SLIT2: variants seen among roughly 807,000 people sequenced by gnomAD.
The protein encoded by SLIT2 is slit guidance ligand 2.
SLIT2 carries 41 observed loss-of-function variants against 185.7 expected under a neutral mutation model. The observed-to-expected ratio is 0.22, with a 90% CI of 0.17 to 0.29. The LOEUF (loss-of-function observed/expected upper bound fraction) is 0.29. Among genes scored for constraint, SLIT2 ranks in the 10% least tolerant of loss-of-function variants. The pLI is 1.00. For synonymous variants in SLIT2, 693 were observed against 680.2 expected (o/e 1.02, Z -0.29); for missense variants, 1,571 against 1,909.0 (o/e 0.82, Z 3.30).
intron 5 of SLIT2, among the ~76,000 whole-genome samples, chr4:20,472,385 T>TATCTATCTATATA (rs1560453709): frequency 2.5e-5 from 1 of 39,260 alleles, no homozygotes; most frequent in African/African-American, 1.4e-4. Context: ...TCTATATATA[T>TATCTATCTATATA]GTAGATATAT....
intron 4 of SLIT2, among the ~76,000 whole-genome samples, chr4:20,432,525 T>C (rs1357587593): frequency 1.1e-5 from 1 of 90,980 alleles, no homozygotes; most frequent in Non-Finnish European, 2.8e-5. Flanking sequence ...TGTCTGCCTT[T>C]TTTTTTTTTT....
At chr4:20,337,412 C>G (rs936621546) in intron 4 of SLIT2, among the ~76,000 whole-genome samples, 1 of 152,116 alleles carries the variant, frequency 6.6e-6, no homozygotes, top group South Asian at 2.1e-4. Context: ...TTACCTCCCA[C>G]TGGGTGCCTC....
intron 4 of SLIT2, among the ~76,000 whole-genome samples, chr4:20,300,545 GATATA>G (rs1350922625): frequency 2.0e-5 from 3 of 151,988 alleles, no homozygotes; most frequent in Non-Finnish European, 4.4e-5. Flanking sequence ...TATATCCTAA[GATATA>G]ATATATGATG....
chr4:20,534,859 A>G (rs1161601492), intron 18 of SLIT2, among the ~76,000 whole-genome samples: 1 of 152,138 alleles, frequency 6.6e-6, no homozygotes, highest in Non-Finnish European at 1.5e-5. Context: ...TGCACCTAAG[A>G]GCAGAAGTGC....
At chr4:20,397,566 T>G (rs1349539589) in intron 4 of SLIT2, among the ~76,000 whole-genome samples, 1 of 151,794 alleles carries the variant, frequency 6.6e-6, no homozygotes, top group African/African-American at 2.4e-5. Flanking sequence ...CTTCTACAAT[T>G]TTGCAAGGCA....
At chr4:20,482,655 G>A in intron 6 of SLIT2, among the ~76,000 whole-genome samples, 1 of 151,842 alleles carries the variant, frequency 6.6e-6, no homozygotes, top group Non-Finnish European at 1.5e-5. Flanking sequence ...CAAAATCTTG[G>A]AAACTCTTTT....
At chr4:20,453,081 G>A (rs968736623) in intron 4 of SLIT2, among the ~76,000 whole-genome samples, 5 of 152,196 alleles carry the variant, frequency 3.3e-5, no homozygotes, top group Non-Finnish European at 7.3e-5. Context: ...TGTGCATTTT[G>A]TGGAAAGATT....
chr4:20,537,306 A>G (rs1464515253), intron 18 of SLIT2, among the ~76,000 whole-genome samples: 2 of 152,154 alleles, frequency 1.3e-5, no homozygotes, highest in East Asian at 3.8e-4. Context: ...TATGATGGCC[A>G]TGACATCTCG....
rs573018203 is a variant in SLIT2, at chr4:20,595,748, C to T, written c.3234C>T (p.Asp1078=). The T allele has an allele frequency of 4.8e-5, 78 of 1,614,002 alleles. No homozygotes were observed. Among genetic ancestry groups the T allele is most frequent in the Non-Finnish European group, 5.8e-5 (69 of 1,179,944 alleles). Residue 1078 remains aspartate, a synonymous_variant, in exon 31 of 37, where the codon GAC becomes GAT. Transcript: ENST00000504154. ...GTGAACACTGCGACATCGATTTTGA[C>T]GACTGCCAAGACAACAAGTGTAAAA... is the stretch of plus-strand genomic sequence containing the variant. ...YVGEHCDIDF[D]DCQDNKCKNG... is the part of the protein sequence containing the mutation.
intron 4 of SLIT2, among the ~76,000 whole-genome samples, chr4:20,353,787 A>G (rs890157131): frequency 6.6e-6 from 1 of 152,202 alleles, no homozygotes; most frequent in Non-Finnish European, 1.5e-5. Flanking sequence ...GAGGATTATA[A>G]TAGTCATATC....
chr4:20,408,826 G>T (rs773140304), intron 4 of SLIT2, among the ~76,000 whole-genome samples: 11 of 152,092 alleles, frequency 7.2e-5, no homozygotes, highest in Non-Finnish European at 1.6e-4. Flanking sequence ...TCATGGTGTT[G>T]CTCTATAATT....
chr4:20,546,883 A>G (rs1055924607), intron 22 of SLIT2, among the ~76,000 whole-genome samples: 3 of 152,144 alleles, frequency 2.0e-5, no homozygotes, highest in African/African-American at 7.2e-5. Context: ...AAATCAGGAA[A>G]AAGATAGTAG....
chr4:20,615,587 G>T (rs2148988106), intron 34 of SLIT2: 1 of 152,316 alleles, frequency 6.6e-6, no homozygotes, highest in Admixed American at 6.5e-5. Context: ...CCAGAGAGAA[G>T]AAATAACTGC....
chr4:20,423,038 G>A (rs138752273), intron 4 of SLIT2, among the ~76,000 whole-genome samples: 11 of 151,980 alleles, frequency 7.2e-5, no homozygotes, highest in East Asian at 1.9e-4. Context: ...CTATGACATC[G>A]CTATCCCAAT....
chr4:20,307,140 C>T (rs1193427222), intron 4 of SLIT2, among the ~76,000 whole-genome samples: 2 of 27,076 alleles, frequency 7.4e-5, no homozygotes, highest in African/African-American at 3.1e-4. Flanking sequence ...CCCTTCCTCC[C>T]TCCCTCCCTC....
chr4:20,383,972 C>G (rs570873283), intron 4 of SLIT2, among the ~76,000 whole-genome samples: 6 of 152,246 alleles, frequency 3.9e-5, no homozygotes, highest in African/African-American at 1.4e-4. Context: ...TCCCAAAGTG[C>G]TGGGATTACT....
intron 4 of SLIT2, among the ~76,000 whole-genome samples, chr4:20,439,068 A>C (rs1242347980): frequency 1.3e-5 from 2 of 152,222 alleles, no homozygotes; most frequent in Non-Finnish European, 2.9e-5. Flanking sequence ...AAAATAGAGC[A>C]GGGCGTTGCA....
At chr4:20,441,987 A>G (rs1349309219) in intron 4 of SLIT2, among the ~76,000 whole-genome samples, 1 of 152,154 alleles carries the variant, frequency 6.6e-6, no homozygotes, top group African/African-American at 2.4e-5. Flanking sequence ...AGCTACAATA[A>G]AAAACATTTA....
intron 4 of SLIT2, among the ~76,000 whole-genome samples, chr4:20,366,262 C>T (rs895867625): frequency 2.0e-5 from 3 of 152,072 alleles, no homozygotes; most frequent in African/African-American, 4.8e-5. Context: ...GAAACTGGTT[C>T]TCAACACTTC....
Sources: allele counts gnomAD v4.1 joint callset (sites outside exome capture counted in the v4.1 genomes callset), GRCh38; gene constraint gnomAD v4.1.1; transcripts MANE v1.5; gene names NCBI Gene and HGNC (gene_info 2026-07-23, HGNC 2026-07-21).